KCTD8: variants seen among roughly 807,000 people sequenced by gnomAD.
KCTD8 encodes BTB/POZ domain-containing protein KCTD8.
Under a neutral mutation model 31.5 loss-of-function variants are expected in KCTD8, and 27 were observed. That is an observed-to-expected ratio of 0.86 (90% CI 0.63 to 1.18). KCTD8 has a LOEUF of 1.18. Ranked by LOEUF, KCTD8 falls within the 50% of genes most tolerant of loss-of-function variation. The probability of loss-of-function intolerance (pLI) is 0.00; values close to 1 mark genes in which losing one functional copy is unlikely to be tolerated. For missense variants in KCTD8, 658 were observed against 647.7 expected (o/e 1.02, Z -0.17); for synonymous variants, 290 against 280.0 (o/e 1.04, Z -0.36).
chr4:44,279,430 G>A (rs1214834292), intron 1 of KCTD8, among the ~76,000 whole-genome samples: 1 of 151,996 alleles, frequency 6.6e-6, no homozygotes, highest in African/African-American at 2.4e-5. Context: ...CATGGTGCTT[G>A]GAGTCCCAAT....
Position 44,328,867 on chromosome 4 carries a change from A to G in KCTD8, c.961+118696T>C, listed in dbSNP as rs569376455. Among the ~76,000 whole-genome samples, 37 of 151,890 alleles carry G rather than the reference A, an allele frequency of 2.4e-4. 1 individual carries two copies. Among genetic ancestry groups the G allele is most frequent in the Non-Finnish European group, 4.7e-4 (32 of 67,974 alleles). On this transcript the variant is annotated intron_variant, in intron 1 of 1. Coordinates refer to ENST00000360029, the MANE Select transcript of KCTD8 (RefSeq NM_198353.3). The stretch of plus-strand genomic sequence containing the variant: ...TAGAGATTAAGTTTACCATCACTCC[A>G]TGGCAGCTAAGGACAGGAGTACAAG...
chr4:44,220,234 A>G (rs1049755383), intron 1 of KCTD8, among the ~76,000 whole-genome samples: 5 of 152,204 alleles, frequency 3.3e-5, no homozygotes, highest in African/African-American at 4.8e-5. Flanking sequence ...ATAGATAATC[A>G]CAGTGATGAT....
intron 1 of KCTD8, among the ~76,000 whole-genome samples, chr4:44,388,304 C>T (rs935692958): frequency 6.6e-6 from 1 of 151,844 alleles, no homozygotes; most frequent in East Asian, 1.9e-4. Context: ...GATGATTCCT[C>T]AAAGACCTAA....
At chr4:44,422,703 TAA>T (rs1721244679) in intron 1 of KCTD8, among the ~76,000 whole-genome samples, 1 of 152,066 alleles carries the variant, frequency 6.6e-6, no homozygotes, top group Non-Finnish European at 1.5e-5. Context: ...CTAGATGGTT[TAA>T]TTTGAACTAT....
chr4:44,181,813 C>G (rs1404829250), intron 1 of KCTD8, among the ~76,000 whole-genome samples: 3 of 151,658 alleles, frequency 2.0e-5, no homozygotes, highest in Non-Finnish European at 2.9e-5. Context: ...AGCGTCTCTG[C>G]CCGGCTGCCC....
intron 1 of KCTD8, among the ~76,000 whole-genome samples, chr4:44,244,847 TGG>T (rs58257678): frequency 0.2 from 26,767 of 132,240 alleles, 2,773 homozygotes; most frequent in East Asian, 0.24. Context: ...CCTGTAGTTG[TGG>T]GGGGGGGGGG....
At chr4:44,318,326 G>A (rs1718199022) in intron 1 of KCTD8, among the ~76,000 whole-genome samples, 1 of 152,058 alleles carries the variant, frequency 6.6e-6, no homozygotes, top group Non-Finnish European at 1.5e-5. Flanking sequence ...AAACTTCTAG[G>A]TTCAAGCAAT....
At chr4:44,257,600 C>T (rs1047348419) in intron 1 of KCTD8, among the ~76,000 whole-genome samples, 10 of 151,974 alleles carry the variant, frequency 6.6e-5, no homozygotes, top group Non-Finnish European at 1.2e-4. Flanking sequence ...GAGACTACAA[C>T]CTTAATATAG....
chr4:44,311,833 T>C (rs377363974), intron 1 of KCTD8, among the ~76,000 whole-genome samples: 26 of 151,028 alleles, frequency 1.7e-4, no homozygotes, highest in African/African-American at 3.6e-4. Context: ...GGTTCCTTCA[T>C]TGTCATTATT....
chr4:44,354,018 C>T (rs1372859167), intron 1 of KCTD8, among the ~76,000 whole-genome samples: 7 of 152,042 alleles, frequency 4.6e-5, no homozygotes, highest in Non-Finnish European at 7.4e-5. Context: ...ATACTCAATC[C>T]AAACAAAAGT....
At chr4:44,430,916 C>CT (rs1014929686) in intron 1 of KCTD8, among the ~76,000 whole-genome samples, 26 of 148,946 alleles carry the variant, frequency 1.7e-4, no homozygotes, top group Admixed American at 2.7e-4. Context: ...ATTTCTCTTT[C>CT]TTTTTTTTTT....
At chr4:44,225,994 GT>G (rs552690602) in intron 1 of KCTD8, among the ~76,000 whole-genome samples, 19 of 151,332 alleles carry the variant, frequency 1.3e-4, no homozygotes, top group Admixed American at 1.3e-4. Context: ...CTAATTTTTT[GT>G]TTTTTTGTAT....
rs113677350 is a variant in KCTD8, at chr4:44,230,500, C to T, written c.962-55250G>A. On this transcript the variant is annotated intron_variant, in intron 1 of 1. Coordinates refer to ENST00000360029, the MANE Select transcript of KCTD8 (RefSeq NM_198353.3). ...GTTATTCCCAAGTGAATGGTACTGC[C>T]TAGTACTGATTTCACCATTTCCCAT... 7.0e-3 allele frequency among the ~76,000 whole-genome samples: 1,063 copies of T among 152,206 alleles called. 10 individuals are homozygous for T. The highest frequency in any genetic ancestry group is 0.024 in the African/African-American group (1,013 of 41,538).
chr4:44,315,413 T>G (rs903607706), intron 1 of KCTD8, among the ~76,000 whole-genome samples: 7 of 152,062 alleles, frequency 4.6e-5, no homozygotes, highest in Admixed American at 3.3e-4. Context: ...GTGCATAATT[T>G]AACATGTGAT....
intron 1 of KCTD8, among the ~76,000 whole-genome samples, chr4:44,213,102 A>C (rs1004508686): frequency 6.6e-6 from 1 of 151,700 alleles, no homozygotes; most frequent in East Asian, 1.9e-4. Flanking sequence ...CATGCCCGCT[A>C]ATTTTTTGTA....
At chr4:44,272,540 T>C (rs1252246927) in intron 1 of KCTD8, among the ~76,000 whole-genome samples, 1 of 152,114 alleles carries the variant, frequency 6.6e-6, no homozygotes, top group East Asian at 1.9e-4. Flanking sequence ...GAAAAAATTA[T>C]AATCTATTCA....
chr4:44,352,536 T>C (rs973094561), intron 1 of KCTD8, among the ~76,000 whole-genome samples: 17 of 147,602 alleles, frequency 1.2e-4, no homozygotes, highest in African/African-American at 4.2e-4. Context: ...TTATATACTA[T>C]TTATATTTTT....
At chr4:44,371,621 AT>A (rs1184447256) in intron 1 of KCTD8, among the ~76,000 whole-genome samples, 2 of 152,234 alleles carry the variant, frequency 1.3e-5, no homozygotes, top group Non-Finnish European at 2.9e-5. Context: ...ATGCAAACAT[AT>A]ATATGATCTC....
chr4:44,402,687 A>C (rs1720694695), intron 1 of KCTD8, among the ~76,000 whole-genome samples: 1 of 152,228 alleles, frequency 6.6e-6, no homozygotes, highest in Non-Finnish European at 1.5e-5. Context: ...AAAAGTGGTT[A>C]TCATTGCTAT....
Sources: gnomAD v4.1 joint callset for allele counts (sites outside exome capture counted in the v4.1 genomes callset) on GRCh38, gnomAD v4.1.1 for gene constraint, MANE v1.5 for transcripts, NCBI Gene and HGNC (gene_info 2026-07-23, HGNC 2026-07-21) for gene names.